TRAPPC8: variants seen among roughly 807,000 people sequenced by gnomAD.
TRAPPC8 encodes the protein general sporulation gene 1 homolog.
Under a neutral mutation model 174.3 loss-of-function variants are expected in TRAPPC8, and 54 were observed. The observed-to-expected ratio is 0.31, with a 90% CI of 0.25 to 0.39. The LOEUF is 0.39. Ranked by LOEUF, TRAPPC8 falls within the 10% of genes least tolerant of loss-of-function variation. The pLI is 1.00. For synonymous variants in TRAPPC8, 630 were observed against 579.9 expected, an observed-to-expected ratio of 1.09 and a Z score of -1.24; for missense variants, 1,531 against 1,699.1, an observed-to-expected ratio of 0.90 and a Z score of 1.74.
intron 1 of TRAPPC8, among the ~76,000 whole-genome samples, chr18:31,940,415 A>G (rs1013848103): frequency 1.3e-5 from 2 of 152,180 alleles, no homozygotes; most frequent in African/African-American, 4.8e-5. Flanking sequence ...TAGTGAGCCA[A>G]GATCGCGCCA....
intron 1 of TRAPPC8, among the ~76,000 whole-genome samples, chr18:31,932,432 A>C (rs1435240995): frequency 6.6e-6 from 1 of 151,814 alleles, no homozygotes; most frequent in African/African-American, 2.4e-5. Context: ...GTCTCCAAAA[A>C]AAAAAAAACA....
intron 12 of TRAPPC8, among the ~76,000 whole-genome samples, chr18:31,880,929 C>G (rs1024294316): frequency 6.6e-6 from 1 of 151,756 alleles, no homozygotes; most frequent in Non-Finnish European, 1.5e-5. Flanking sequence ...AAATAAAATA[C>G]CTGGAATACA....
At chr18:31,933,072 C>T (rs1218742146) in intron 1 of TRAPPC8, among the ~76,000 whole-genome samples, 1 of 145,384 alleles carries the variant, frequency 6.9e-6, no homozygotes, top group African/African-American at 2.6e-5. Context: ...GAGGCCAAGG[C>T]GGGCAGATCA....
rs745397502 is a variant in TRAPPC8 at position 31,874,598 on chromosome 18, T to C, written c.1835A>G (p.Tyr612Cys). ...AGCATTATCCAGCTGTCTAAGAGTATAGGACTGGCGCCCAATAGTGAAATT... is the reference window on the plus strand; with the variant it reads ...AGCATTATCCAGCTGTCTAAGAGTACAGGACTGGCGCCCAATAGTGAAATT... ...HINFTIGRQS[Y>C]TLRQLDNAVS... The change falls in exon 13 of 29, where the codon TAT becomes TGT. Residue 612 changes from tyrosine to cysteine, a missense_variant. By Grantham distance (194) the Tyr-to-Cys change is radical. Transcript: ENST00000283351. 70 of 1,614,028 alleles carry C rather than the reference T, an allele frequency of 4.3e-5. No homozygotes were observed. The Admixed American group carries it at 6.8e-4, about 16-fold the overall frequency.
intron 7 of TRAPPC8, 147 bp from the exon 8 acceptor site, chr18:31,908,565 T>A (rs973946967): frequency 1.1e-4 from 93 of 871,506 alleles, no homozygotes; most frequent in Non-Finnish European, 1.5e-4. Flanking sequence ...GCTGGCAAAA[T>A]CCTATTGAAA....
intron 2 of TRAPPC8, among the ~76,000 whole-genome samples, chr18:31,930,807 A>G (rs570266655): frequency 6.6e-6 from 1 of 152,064 alleles, no homozygotes; most frequent in Admixed American, 6.6e-5. Flanking sequence ...CAGGAGGATC[A>G]CTTGAGGTCA....
intron 26 of TRAPPC8, among the ~76,000 whole-genome samples, chr18:31,845,639 G>T (rs1327064331): frequency 1.3e-5 from 2 of 152,074 alleles, no homozygotes; most frequent in Non-Finnish European, 2.9e-5. Context: ...AATGCAAAAT[G>T]TCAACCACTA....
At chr18:31,935,881 G>A (rs1013228983) in intron 1 of TRAPPC8, among the ~76,000 whole-genome samples, 15 of 151,520 alleles carry the variant, frequency 9.9e-5, no homozygotes, top group South Asian at 2.1e-4. Context: ...GATTACAGGC[G>A]CCCGCCACCA....
intron 11 of TRAPPC8, among the ~76,000 whole-genome samples, chr18:31,897,053 A>G (rs2036213778): frequency 6.6e-6 from 1 of 152,366 alleles, no homozygotes; most frequent in African/African-American, 2.4e-5. Flanking sequence ...GTAAAGAGTT[A>G]AAAAGTGCAT....
At chr18:31,909,036 T>C (rs1405995833) in intron 6 of TRAPPC8, 26 bp from the exon 7 acceptor site, 41 of 1,578,770 alleles carry the variant, frequency 2.6e-5, no homozygotes, top group Non-Finnish European at 3.4e-5. Flanking sequence ...TTATTTCTTT[T>C]ACTCTCAGAA....
chr18:31,842,346 T>C (rs1401284366), intron 26 of TRAPPC8, among the ~76,000 whole-genome samples: 2 of 152,224 alleles, frequency 1.3e-5, no homozygotes, highest in Non-Finnish European at 2.9e-5. Context: ...AACTGACCAA[T>C]GTGCACAGGG....
chr18:31,894,006 T>C (rs1220176845), intron 11 of TRAPPC8, among the ~76,000 whole-genome samples: 1 of 152,098 alleles, frequency 6.6e-6, no homozygotes, highest in Non-Finnish European at 1.5e-5. Flanking sequence ...CACAATCCAG[T>C]TAAAAACCAA....
At chr18:31,932,591 A>G (rs2037894771) in intron 1 of TRAPPC8, among the ~76,000 whole-genome samples, 1 of 152,212 alleles carries the variant, frequency 6.6e-6, no homozygotes, top group Non-Finnish European at 1.5e-5. Context: ...TTCTGAGGCA[A>G]TTACAGCAAG....
At chr18:31,925,230 T>C (rs1054035879) in intron 2 of TRAPPC8, among the ~76,000 whole-genome samples, 1 of 145,198 alleles carries the variant, frequency 6.9e-6, no homozygotes. Flanking sequence ...CAAATAAAAA[T>C]AATACGAATG....
intron 11 of TRAPPC8, chr18:31,896,230 G>T (rs1288116176): frequency 6.6e-6 from 1 of 152,078 alleles, no homozygotes; most frequent in African/African-American, 2.4e-5. Flanking sequence ...AAGGAAAAAG[G>T]CCGCAGTCCC....
At chr18:31,920,105 T>C (rs2037320583) in intron 2 of TRAPPC8, among the ~76,000 whole-genome samples, 1 of 152,186 alleles carries the variant, frequency 6.6e-6, no homozygotes, top group African/African-American at 2.4e-5. Context: ...AAAATTATCG[T>C]TAAATAGAAA....
At chr18:31,919,783 C>T (rs921996187) in intron 2 of TRAPPC8, among the ~76,000 whole-genome samples, 2 of 151,610 alleles carry the variant, frequency 1.3e-5, no homozygotes, top group Middle Eastern at 3.2e-3. Flanking sequence ...ATCACCTGAG[C>T]CCAGGAAGTC....
At chr18:31,934,131 T>C (rs2037975800) in intron 1 of TRAPPC8, among the ~76,000 whole-genome samples, 1 of 151,612 alleles carries the variant, frequency 6.6e-6, no homozygotes, top group Admixed American at 6.6e-5. Flanking sequence ...GAAGTTGCAG[T>C]GAGCCAAGAT....
rs545914893 is a variant in TRAPPC8, at chr18:31,844,116, G to A, written c.3837+2600C>T. On this transcript the variant is annotated intron_variant, in intron 26 of 28. Transcript: ENST00000283351. ...CCCTAAAATCAACCATTTTTCCAAG[G>A]AACCCTGGCTCCTTTTATTGGAGAA... Among the ~76,000 whole-genome samples the A allele has an allele frequency of 1.8e-4, 28 of 152,192 alleles. No individual in the cohort carries two copies. In the South Asian group the frequency reaches 5.6e-3, roughly 30 times the overall value.
Sources: gnomAD v4.1 joint callset for allele counts (sites outside exome capture counted in the v4.1 genomes callset) on GRCh38, gnomAD v4.1.1 for gene constraint, MANE v1.5 for transcripts, NCBI Gene and HGNC (gene_info 2026-07-23, HGNC 2026-07-21) for gene names.